The following TRAPPC9 variants were observed in gnomAD, a reference collection of about 807,000 sequenced individuals.
TRAPPC9 encodes IKK2 binding protein.
In TRAPPC9, 83 loss-of-function variants were observed where a neutral mutation model predicts 124.0. That is an observed-to-expected ratio of 0.67 (90% confidence interval 0.56 to 0.80). TRAPPC9 has a LOEUF of 0.80. Among genes scored for constraint, TRAPPC9 ranks in the 30% least tolerant of loss-of-function variants. The pLI, the probability that TRAPPC9 is intolerant of heterozygous loss-of-function variation, is 0.00. For synonymous variants in TRAPPC9, 638 were observed against 617.5 expected, an observed-to-expected ratio of 1.03 and a Z score of -0.49; for missense variants, 1,302 against 1,508.3, an observed-to-expected ratio of 0.86 and a Z score of 2.27.
At chr8:139,882,209 C>A (rs536080088) in intron 21 of TRAPPC9, among the ~76,000 whole-genome samples, 1 of 152,168 alleles carries the variant, frequency 6.6e-6, no homozygotes, top group South Asian at 2.1e-4. Flanking sequence ...TTATGGAGTG[C>A]CAGACACATT....
chr8:140,004,729 C>A (rs1165354673), intron 18 of TRAPPC9, among the ~76,000 whole-genome samples: 3 of 152,140 alleles, frequency 2.0e-5, no homozygotes, highest in Non-Finnish European at 4.4e-5. Flanking sequence ...CCGCCAAGGT[C>A]CAGCATGTCT....
chr8:140,194,438 T>C lies in TRAPPC9; in HGVS notation c.2556+27021A>G, dbSNP rs80139092. ...AAAATGTAAATGCTATGTAAATAGTTATATTGTATTATTTAGGAACTAATG... is the reference window on the plus strand; with the variant it reads ...AAAATGTAAATGCTATGTAAATAGTCATATTGTATTATTTAGGAACTAATG... On this transcript the variant is annotated intron_variant, in intron 17 of 22. Coordinates refer to ENST00000438773, the MANE Select transcript of TRAPPC9 (RefSeq NM_001160372.4). 2.6e-5 allele frequency among the ~76,000 whole-genome samples: 4 copies of C among 152,372 alleles called. No homozygotes were observed. The East Asian group carries it at 7.7e-4, about 29-fold the overall frequency.
In TRAPPC9 at chr8:140,304,131, G is replaced by C. The variant is rs202060334; in HGVS notation, c.1623-3517C>G. Among the ~76,000 whole-genome samples the C allele has an allele frequency of 6.2e-5, 9 of 144,562 alleles. No individual in the cohort carries two copies. In the East Asian group the frequency reaches 1.6e-3, roughly 26 times the overall value. 94.8% of individuals were successfully genotyped at this position (144,562 alleles called of 152,430 possible). Reference sequence around the variant, plus strand: ...TTTTTTGAGACAGAGTCTCGCTCTTGTCGCCCAGGCTGGAATGCAGTGGCA... The same window carrying C: ...TTTTTTGAGACAGAGTCTCGCTCTTCTCGCCCAGGCTGGAATGCAGTGGCA... On this transcript the variant is annotated intron_variant, in intron 10 of 22. Transcript: ENST00000438773.
chr8:139,768,295 C>T (rs1290486126), intron 21 of TRAPPC9, among the ~76,000 whole-genome samples: 1 of 152,200 alleles, frequency 6.6e-6, no homozygotes, highest in Non-Finnish European at 1.5e-5. Context: ...TCTGGTGCCT[C>T]CCAGGTGCTG....
At chr8:139,923,865 T>A (rs1832654155) in intron 19 of TRAPPC9, among the ~76,000 whole-genome samples, 1 of 152,232 alleles carries the variant, frequency 6.6e-6, no homozygotes. Context: ...TCATATTGAA[T>A]CAGTAGCTAT....
chr8:140,088,617 C>T (rs1179171204), intron 17 of TRAPPC9, among the ~76,000 whole-genome samples: 1 of 152,140 alleles, frequency 6.6e-6, no homozygotes, highest in African/African-American at 2.4e-5. Context: ...TTTTTCCTAA[C>T]AAGAAACTCA....
intron 17 of TRAPPC9, among the ~76,000 whole-genome samples, chr8:140,121,618 A>G (rs946710844): frequency 3.3e-5 from 5 of 152,236 alleles, no homozygotes; most frequent in African/African-American, 1.2e-4. Flanking sequence ...TTTCCTGCCA[A>G]TGTTATAATT....
chr8:139,733,049 A>G (rs1407849568), intron 21 of TRAPPC9, among the ~76,000 whole-genome samples: 2 of 151,928 alleles, frequency 1.3e-5, no homozygotes, highest in African/African-American at 4.8e-5. Flanking sequence ...TCAGGGTGGC[A>G]GGTTTCATGG....
chr8:140,427,330 C>T (rs2070459563), intron 4 of TRAPPC9, among the ~76,000 whole-genome samples: 1 of 151,748 alleles, frequency 6.6e-6, no homozygotes, highest in African/African-American at 2.4e-5. Flanking sequence ...CTCTGTGGAA[C>T]TTTTCACAAC....
intron 17 of TRAPPC9, among the ~76,000 whole-genome samples, chr8:140,035,222 A>C (rs930207182): frequency 6.6e-6 from 1 of 152,240 alleles, no homozygotes; most frequent in African/African-American, 2.4e-5. Context: ...ATTGGCACTC[A>C]TTTAGTTATG....
At chr8:140,217,126 C>T (rs2063215360) in intron 17 of TRAPPC9, among the ~76,000 whole-genome samples, 1 of 152,200 alleles carries the variant, frequency 6.6e-6, no homozygotes, top group African/African-American at 2.4e-5. Flanking sequence ...ATACGTTGTG[C>T]TTTAATTCAG....
intron 17 of TRAPPC9, among the ~76,000 whole-genome samples, chr8:140,027,516 C>T (rs1285848359): frequency 2.6e-5 from 4 of 152,134 alleles, no homozygotes; most frequent in African/African-American, 9.7e-5. Flanking sequence ...CAAAGTACCA[C>T]ATCACCAAGA....
chr8:140,442,737 GA>G (rs766930002), intron 2 of TRAPPC9, among the ~76,000 whole-genome samples: 12 of 151,810 alleles, frequency 7.9e-5, no homozygotes, highest in Non-Finnish European at 1.5e-4. Flanking sequence ...CAAATCCAAA[GA>G]AAAGCTAAAG....
At chr8:139,921,861 G>A (rs1339255604) in intron 19 of TRAPPC9, among the ~76,000 whole-genome samples, 2 of 116,584 alleles carry the variant, frequency 1.7e-5, no homozygotes, top group African/African-American at 6.7e-5. Flanking sequence ...CCTCCTCCCC[G>A]CCGCGTCTGG....
chr8:139,941,744 A>C (rs1483306428), intron 19 of TRAPPC9, among the ~76,000 whole-genome samples: 3 of 152,194 alleles, frequency 2.0e-5, no homozygotes, highest in African/African-American at 7.2e-5. Flanking sequence ...TGAAGGTCTC[A>C]GGGCAGGCTG....
intron 16 of TRAPPC9, among the ~76,000 whole-genome samples, chr8:140,223,173 A>G (rs113064832): frequency 6.6e-6 from 1 of 150,642 alleles, no homozygotes; most frequent in Non-Finnish European, 1.5e-5. Context: ...CCCTCCCCTC[A>G]CTCCACCCCA....
intron 16 of TRAPPC9, among the ~76,000 whole-genome samples, chr8:140,222,918 G>A (rs548809906): frequency 6.6e-6 from 1 of 152,352 alleles, no homozygotes; most frequent in South Asian, 2.1e-4. Flanking sequence ...TGCAACAGCA[G>A]AGACAAAAGA....
intron 9 of TRAPPC9, among the ~76,000 whole-genome samples, chr8:140,336,191 C>T (rs958936209): frequency 6.6e-6 from 1 of 152,110 alleles, no homozygotes; most frequent in African/African-American, 2.4e-5. Flanking sequence ...ACTTGTGTGT[C>T]ACGTCCCTGA....
chr8:140,165,609 G>A (rs999562208), intron 17 of TRAPPC9, among the ~76,000 whole-genome samples: 70 of 125,362 alleles, frequency 5.6e-4, no homozygotes, highest in African/African-American at 2.0e-3. Context: ...AGGGGAAGGG[G>A]GCAAGGAGGG....
Sources: gnomAD v4.1 joint callset for allele counts (sites outside exome capture counted in the v4.1 genomes callset) on GRCh38, gnomAD v4.1.1 for gene constraint, MANE v1.5 for transcripts, NCBI Gene and HGNC (gene_info 2026-07-23, HGNC 2026-07-21) for gene names.